The following PRKN variants were observed in gnomAD, a reference collection of about 807,000 sequenced individuals.
PRKN encodes E3 ubiquitin-protein ligase parkin.
Under a neutral mutation model 59.5 loss-of-function variants are expected in PRKN, and 56 were observed. The ratio of observed to expected loss-of-function variants is 0.94; its 90% confidence interval spans 0.76 to 1.18. The LOEUF is 1.18. Among genes scored for constraint, PRKN ranks in the 50% most tolerant of loss-of-function variants. The pLI, the probability that PRKN is intolerant of heterozygous loss-of-function variation, is 0.00. For missense variants in PRKN, 657 were observed against 596.4 expected, an observed-to-expected ratio of 1.10 and a Z score of -1.06; for synonymous variants, 250 against 222.1, an observed-to-expected ratio of 1.13 and a Z score of -1.12.
At chr6:162,550,891 C>T (rs1779308669) in intron 1 of PRKN, among the ~76,000 whole-genome samples, 1 of 152,128 alleles carries the variant, frequency 6.6e-6, no homozygotes, top group South Asian at 2.1e-4. Flanking sequence ...ACTTCAGGTC[C>T]TGGTGAGAAG....
chr6:162,070,990 C>A (rs929219985), intron 4 of PRKN, among the ~76,000 whole-genome samples: 1 of 152,132 alleles, frequency 6.6e-6, no homozygotes, highest in South Asian at 2.1e-4. Flanking sequence ...AAGGCCTGAG[C>A]CTGGAAATGG....
At chr6:161,955,589 G>A (rs1441011335) in intron 6 of PRKN, among the ~76,000 whole-genome samples, 1 of 152,168 alleles carries the variant, frequency 6.6e-6, no homozygotes, top group African/African-American at 2.4e-5. Flanking sequence ...AGTGGCTCAC[G>A]CCTGTGATCC....
At chr6:162,380,356 C>T (rs1393158748) in intron 2 of PRKN, among the ~76,000 whole-genome samples, 1 of 149,196 alleles carries the variant, frequency 6.7e-6, no homozygotes, top group African/African-American at 2.5e-5. Context: ...ATTCATTATT[C>T]ATTTAGGAAA....
chr6:161,975,449 CATTT>C (rs1273487753), intron 5 of PRKN, among the ~76,000 whole-genome samples: 1 of 152,160 alleles, frequency 6.6e-6, no homozygotes, highest in Non-Finnish European at 1.5e-5. Flanking sequence ...TGTTATTTAT[CATTT>C]ATTTAATAAA....
At chr6:161,422,081 G>C (rs1443845189) in intron 9 of PRKN, among the ~76,000 whole-genome samples, 1 of 151,992 alleles carries the variant, frequency 6.6e-6, no homozygotes, top group Non-Finnish European at 1.5e-5. Context: ...GAAATCATTT[G>C]AGATAACTGT....
intron 9 of PRKN, among the ~76,000 whole-genome samples, chr6:161,408,233 CA>C (rs1341636007): frequency 2.7e-5 from 4 of 150,818 alleles, no homozygotes; most frequent in African/African-American, 9.8e-5. Flanking sequence ...AGTCATGGCA[CA>C]CCCTGACAAA....
chr6:162,486,286 G>A (rs745698688), intron 1 of PRKN, among the ~76,000 whole-genome samples: 26 of 152,224 alleles, frequency 1.7e-4, no homozygotes, highest in South Asian at 6.2e-4. Flanking sequence ...CTAGCCTGCT[G>A]TTTAAGCAAA....
intron 1 of PRKN, among the ~76,000 whole-genome samples, chr6:162,549,650 T>C (rs912609592): frequency 1.3e-5 from 2 of 151,314 alleles, no homozygotes; most frequent in Admixed American, 6.6e-5. Flanking sequence ...TTTTTTTTTT[T>C]TTTTTTTTGA....
intron 1 of PRKN, among the ~76,000 whole-genome samples, chr6:162,537,161 A>C (rs964633541): frequency 1.1e-4 from 17 of 152,188 alleles, no homozygotes; most frequent in African/African-American, 3.6e-4. Context: ...TGCACATCAC[A>C]GTCACCTGGG....
intron 4 of PRKN, among the ~76,000 whole-genome samples, chr6:162,068,962 T>C (rs145345800): frequency 1.3e-5 from 2 of 152,294 alleles, no homozygotes; most frequent in Non-Finnish European, 2.9e-5. Flanking sequence ...TGTCAAGTAC[T>C]CAGGCTATTT....
chr6:162,454,301 G>A (rs761878389), intron 1 of PRKN, among the ~76,000 whole-genome samples: 2 of 152,278 alleles, frequency 1.3e-5, no homozygotes, highest in South Asian at 2.1e-4. Flanking sequence ...TCCCAATGGA[G>A]CTCTATTCCA....
At position 162,109,904 on chromosome 6, in the gene PRKN, TAGTC is replaced by T. The variant is rs1189343490; in HGVS notation, c.535-55734_535-55731del. 3.3e-5 allele frequency among the ~76,000 whole-genome samples: 5 copies of T among 152,352 alleles called. No homozygotes were observed. In the East Asian group the frequency reaches 9.6e-4, roughly 29 times the overall value. ...ATATACAATATCCCCAAGCTTAAAT[TAGTC>T]ATTGTTTCACTTGTCAAATTCAATT... On this transcript the variant is annotated intron_variant, in intron 4 of 11. Coordinates refer to ENST00000366898, the MANE Select transcript of PRKN (RefSeq NM_004562.3).
intron 2 of PRKN, among the ~76,000 whole-genome samples, chr6:162,407,471 T>C (rs1788129418): frequency 6.6e-6 from 1 of 152,220 alleles, no homozygotes; most frequent in African/African-American, 2.4e-5. Context: ...GTCAAGTTCA[T>C]TGTAGCAGAT....
intron 2 of PRKN, among the ~76,000 whole-genome samples, chr6:162,283,582 C>A (rs938653124): frequency 2.0e-5 from 3 of 152,206 alleles, no homozygotes; most frequent in Non-Finnish European, 4.4e-5. Flanking sequence ...AGTGCAGTAG[C>A]ACGATCTCGG....
chr6:162,577,365 C>T (rs1429674516), intron 1 of PRKN, among the ~76,000 whole-genome samples: 1 of 150,878 alleles, frequency 6.6e-6, no homozygotes, highest in Non-Finnish European at 1.5e-5. Context: ...TTTGGGAGGC[C>T]GAGGCACGTG....
At chr6:162,410,808 T>G (rs1435040236) in intron 2 of PRKN, among the ~76,000 whole-genome samples, 2 of 152,160 alleles carry the variant, frequency 1.3e-5, no homozygotes, top group Non-Finnish European at 2.9e-5. Flanking sequence ...TGAAAAGCGT[T>G]CAGATTCAAG....
At chr6:161,491,679 G>A (rs1198260276) in intron 9 of PRKN, among the ~76,000 whole-genome samples, 1 of 151,682 alleles carries the variant, frequency 6.6e-6, no homozygotes, top group African/African-American at 2.4e-5. Context: ...CACCCGGGCT[G>A]GAGTGCAATG....
At chr6:162,633,290 C>T (rs1015745057) in intron 1 of PRKN, among the ~76,000 whole-genome samples, 2 of 151,618 alleles carry the variant, frequency 1.3e-5, no homozygotes, top group Non-Finnish European at 2.9e-5. Context: ...AAAAAATTAG[C>T]CAGGCATGGT....
intron 7 of PRKN, among the ~76,000 whole-genome samples, chr6:161,637,427 A>C (rs1203344325): frequency 6.6e-6 from 1 of 151,464 alleles, no homozygotes; most frequent in Non-Finnish European, 1.5e-5. Context: ...CCTGTGGCAA[A>C]AAAAAAAAGG....
Sources: gnomAD v4.1 joint callset for allele counts (sites outside exome capture counted in the v4.1 genomes callset) on GRCh38, gnomAD v4.1.1 for gene constraint, MANE v1.5 for transcripts, NCBI Gene and HGNC (gene_info 2026-07-23, HGNC 2026-07-21) for gene names.